ZFAND3: variants seen among roughly 807,000 people sequenced by gnomAD.
ZFAND3 encodes the protein AN1-type zinc finger protein 3.
ZFAND3 carries 10 observed loss-of-function variants against 29.6 expected under a neutral mutation model. The observed-to-expected ratio is 0.34, with a 90% CI of 0.21 to 0.57. ZFAND3 has a LOEUF of 0.57. ZFAND3 is among the 20% of genes least tolerant of loss of function. The probability of loss-of-function intolerance (pLI) is 0.86; values close to 1 mark genes in which losing one functional copy is unlikely to be tolerated. For missense variants in ZFAND3, 230 were observed against 304.5 expected (o/e 0.76, Z 1.82); for synonymous variants, 128 against 112.6 (o/e 1.14, Z -0.87).
chr6:37,902,352 A>G (rs1252532729), intron 1 of ZFAND3, among the ~76,000 whole-genome samples: 1 of 152,058 alleles, frequency 6.6e-6, no homozygotes, highest in African/African-American at 2.4e-5. Flanking sequence ...CTGTAGTCCC[A>G]GGCACTCGGG....
chr6:38,096,025 T>A (rs937788495), intron 4 of ZFAND3, among the ~76,000 whole-genome samples: 5 of 152,068 alleles, frequency 3.3e-5, no homozygotes, highest in Admixed American at 2.0e-4. Context: ...AGAGCTGAGA[T>A]GCTGTTTCAA....
At chr6:38,042,280 A>G (rs1193599998) in intron 2 of ZFAND3, among the ~76,000 whole-genome samples, 1 of 150,062 alleles carries the variant, frequency 6.7e-6, no homozygotes, top group African/African-American at 2.4e-5. Flanking sequence ...AAATAAAAGT[A>G]TGCATGTCAC....
At chr6:37,988,327 T>A (rs1762704068) in intron 2 of ZFAND3, among the ~76,000 whole-genome samples, 1 of 152,262 alleles carries the variant, frequency 6.6e-6, no homozygotes, top group Non-Finnish European at 1.5e-5. Context: ...ATATGTGGTC[T>A]CAATATGTAT....
intron 2 of ZFAND3, among the ~76,000 whole-genome samples, chr6:37,984,887 C>T (rs1427263576): frequency 6.6e-6 from 1 of 152,178 alleles, no homozygotes; most frequent in African/African-American, 2.4e-5. Flanking sequence ...TCAGAGAGGT[C>T]ATTGCTGTAT....
intron 1 of ZFAND3, among the ~76,000 whole-genome samples, chr6:37,880,041 T>G (rs1227987202): frequency 6.6e-6 from 1 of 152,206 alleles, no homozygotes; most frequent in Non-Finnish European, 1.5e-5. Flanking sequence ...TTTGTTCAGA[T>G]AAGAGAGGTC....
intron 5 of ZFAND3, among the ~76,000 whole-genome samples, chr6:38,118,120 A>G (rs943958906): frequency 6.6e-6 from 1 of 152,210 alleles, no homozygotes; most frequent in African/African-American, 2.4e-5. Context: ...GGTGGTGGGA[A>G]TAGAGGCTGA....
intron 2 of ZFAND3, among the ~76,000 whole-genome samples, chr6:37,952,457 C>T: frequency 6.6e-6 from 1 of 152,100 alleles, no homozygotes; most frequent in East Asian, 1.9e-4. Flanking sequence ...AGTAATTTAT[C>T]CATTTCTTCT....
intron 2 of ZFAND3, among the ~76,000 whole-genome samples, chr6:38,060,432 T>A (rs1764212334): frequency 6.7e-6 from 1 of 150,198 alleles, no homozygotes; most frequent in Non-Finnish European, 1.5e-5. Flanking sequence ...CCTCTTCTCC[T>A]CTCCCTCTCC....
intron 2 of ZFAND3, among the ~76,000 whole-genome samples, chr6:37,993,875 G>A (rs1177142678): frequency 6.6e-6 from 1 of 151,996 alleles, no homozygotes; most frequent in African/African-American, 2.4e-5. Flanking sequence ...TGTTTATTTA[G>A]CATGTAACTC....
At position 38,119,699 on chromosome 6, in the gene ZFAND3, G is replaced by A. The variant is rs150132871; in HGVS notation, c.529+2960G>A. 3.4e-4 allele frequency among the ~76,000 whole-genome samples: 52 copies of A among 152,282 alleles called. No individual in the cohort carries two copies. In the East Asian group the frequency reaches 7.5e-3, roughly 22 times the overall value. On this transcript the variant is annotated intron_variant, in intron 5 of 5. Coordinates refer to ENST00000287218, the MANE Select transcript of ZFAND3 (RefSeq NM_021943.3). ...GTGGCCAAGCTCCCCTGAATCCTCC[G>A]CCCCAGGGCTGTCGTCCAAACACTG...
At chr6:38,116,161 C>T (rs151335725) in intron 4 of ZFAND3, among the ~76,000 whole-genome samples, 7 of 152,316 alleles carry the variant, frequency 4.6e-5, no homozygotes, top group Admixed American at 2.0e-4. Flanking sequence ...TAAAGAATTA[C>T]GGTCTACTTG....
chr6:37,940,736 A>T (rs536561911), intron 2 of ZFAND3, among the ~76,000 whole-genome samples: 1 of 152,338 alleles, frequency 6.6e-6, no homozygotes, highest in Admixed American at 6.5e-5. Context: ...AATTTTAACT[A>T]TTATCAAAGG....
At chr6:37,847,564 C>T (rs369476776) in intron 1 of ZFAND3, among the ~76,000 whole-genome samples, 1 of 152,094 alleles carries the variant, frequency 6.6e-6, no homozygotes, top group Non-Finnish European at 1.5e-5. Context: ...CAGAGTGAGA[C>T]TCTGCAGAAT....
intron 4 of ZFAND3, among the ~76,000 whole-genome samples, chr6:38,102,059 G>A (rs957380010): frequency 6.6e-6 from 1 of 152,098 alleles, no homozygotes; most frequent in Admixed American, 6.6e-5. Context: ...AACTTGTCCT[G>A]TTACAGAAAT....
chr6:38,104,432 G>A (rs1302689776), intron 4 of ZFAND3, among the ~76,000 whole-genome samples: 2 of 151,286 alleles, frequency 1.3e-5, no homozygotes, highest in African/African-American at 4.8e-5. Flanking sequence ...AGGTTTTCTT[G>A]TGCTAATGGG....
intron 1 of ZFAND3, among the ~76,000 whole-genome samples, 195 bp from the exon 2 acceptor site, chr6:37,929,763 GT>G (rs549276947): frequency 1.1e-3 from 161 of 146,078 alleles, no homozygotes; most frequent in African/African-American, 2.7e-3. Context: ...TTATATTTTT[GT>G]TTTTTTTTTT....
chr6:38,048,621 C>CAAAAAAAAAAAAAAAAAAAAAAAAAAA (rs70981521), intron 2 of ZFAND3, among the ~76,000 whole-genome samples: 833 of 56,090 alleles, frequency 0.015, 125 homozygotes, highest in Non-Finnish European at 0.018. Flanking sequence ...GACTCCGTCT[C>CAAAAAAAAAAAAAAAAAAAAAAAAAAA]AAAAAAAAAA....
chr6:37,821,233 G>T (rs1274222262), intron 1 of ZFAND3, among the ~76,000 whole-genome samples: 1 of 152,218 alleles, frequency 6.6e-6, no homozygotes, highest in Non-Finnish European at 1.5e-5. Flanking sequence ...GTAGACTTCT[G>T]TGGAAGTTGT....
chr6:37,937,089 C>T (rs1256666557), intron 2 of ZFAND3, among the ~76,000 whole-genome samples: 1 of 152,150 alleles, frequency 6.6e-6, no homozygotes, highest in Non-Finnish European at 1.5e-5. Context: ...GCTTTCATTT[C>T]CTGTTAGAAT....
Sources: gnomAD v4.1 joint callset for allele counts (sites outside exome capture counted in the v4.1 genomes callset) on GRCh38, gnomAD v4.1.1 for gene constraint, MANE v1.5 for transcripts, NCBI Gene and HGNC (gene_info 2026-07-23, HGNC 2026-07-21) for gene names.